Variants in CNTN5 observed in about 807,000 individuals in gnomAD.
CNTN5 encodes contactin-5.
In CNTN5, 77 loss-of-function variants were observed where a neutral mutation model predicts 129.1. The ratio of observed to expected loss-of-function variants is 0.60; its 90% CI spans 0.50 to 0.72. The LOEUF (loss-of-function observed/expected upper bound fraction) is 0.72. Among genes scored for constraint, CNTN5 ranks in the 30% least tolerant of loss-of-function variants. The pLI is 0.00. For synonymous variants in CNTN5, 509 were observed against 465.6 expected (o/e 1.09, Z -1.20); for missense variants, 1,478 against 1,328.8 (o/e 1.11, Z -1.75).
At chr11:99,036,732 G>C (rs1362317590) in intron 1 of CNTN5, among the ~76,000 whole-genome samples, 1 of 151,058 alleles carries the variant, frequency 6.6e-6, no homozygotes, top group Non-Finnish European at 1.5e-5. Flanking sequence ...CCAACACACT[G>C]TGCTACCAAA....
intron 8 of CNTN5, among the ~76,000 whole-genome samples, chr11:100,000,537 C>T (rs1939792234): frequency 6.6e-6 from 1 of 152,190 alleles, no homozygotes; most frequent in Non-Finnish European, 1.5e-5. Flanking sequence ...CGTTGAGTGC[C>T]TATGGCTTTT....
intron 21 of CNTN5, among the ~76,000 whole-genome samples, chr11:100,339,471 C>A (rs492107): frequency 0.14 from 20,550 of 151,982 alleles, 1,789 homozygotes; most frequent in East Asian, 0.33. Flanking sequence ...GGATGTTTCT[C>A]TGCACAGGAC....
chr11:99,950,779 G>A (rs1023001115), intron 7 of CNTN5, among the ~76,000 whole-genome samples: 3 of 152,122 alleles, frequency 2.0e-5, no homozygotes, highest in Admixed American at 6.5e-5. Context: ...TTACTACCAC[G>A]TAGACATTAT....
intron 3 of CNTN5, among the ~76,000 whole-genome samples, chr11:99,654,373 C>T (rs1049829150): frequency 6.6e-6 from 1 of 151,952 alleles, no homozygotes; most frequent in African/African-American, 2.4e-5. Context: ...TTAAATAGGC[C>T]ATTGGCATTC....
intron 23 of CNTN5, among the ~76,000 whole-genome samples, chr11:100,347,553 CT>C (rs1003947531): frequency 2.0e-5 from 3 of 152,040 alleles, no homozygotes; most frequent in African/African-American, 7.2e-5. Context: ...ATGAAGCTGA[CT>C]TTTTGGAAAT....
At chr11:99,365,789 T>C (rs899035518) in intron 2 of CNTN5, among the ~76,000 whole-genome samples, 1 of 152,186 alleles carries the variant, frequency 6.6e-6, no homozygotes, top group African/African-American at 2.4e-5. Context: ...GGATATATTA[T>C]GCTATTTTTG....
At chr11:99,506,806 C>T (rs1242750145) in intron 2 of CNTN5, among the ~76,000 whole-genome samples, 1 of 152,012 alleles carries the variant, frequency 6.6e-6, no homozygotes, top group Admixed American at 6.6e-5. Flanking sequence ...AACAAAGTCA[C>T]TACATTATTT....
chr11:100,097,653 G>A (rs1381952549), intron 13 of CNTN5, among the ~76,000 whole-genome samples: 1 of 152,028 alleles, frequency 6.6e-6, no homozygotes, highest in Admixed American at 6.6e-5. Context: ...AGAGTATAGG[G>A]AATGAAAGAT....
At chr11:99,638,149 T>C (rs1487369402) in intron 3 of CNTN5, among the ~76,000 whole-genome samples, 1 of 151,884 alleles carries the variant, frequency 6.6e-6, no homozygotes, top group Non-Finnish European at 1.5e-5. Flanking sequence ...TGGCGGGAGG[T>C]GAAAGGTTCT....
chr11:99,942,676 TCTC>T (rs1950466792), intron 7 of CNTN5, among the ~76,000 whole-genome samples: 1 of 151,904 alleles, frequency 6.6e-6, no homozygotes, highest in Admixed American at 6.6e-5. Context: ...TCCCTTCCCT[TCTC>T]CTCCACAACC....
chr11:99,265,075 G>A (rs1275617281), intron 1 of CNTN5, among the ~76,000 whole-genome samples: 1 of 151,734 alleles, frequency 6.6e-6, no homozygotes. Flanking sequence ...TTAAAACTTA[G>A]GTGTGCTCCA....
chr11:100,067,849 A>G (rs918297445), intron 10 of CNTN5, among the ~76,000 whole-genome samples: 4 of 152,104 alleles, frequency 2.6e-5, no homozygotes, highest in Admixed American at 2.0e-4. Flanking sequence ...AAATCTAAAG[A>G]AAGGAAGGAA....
rs570435915 is a variant in CNTN5 at position 99,336,950 on chromosome 11, A to G, written c.-71+11466A>G. On this transcript the variant is annotated intron_variant, in intron 2 of 24. Coordinates refer to ENST00000524871, the MANE Select transcript of CNTN5 (RefSeq NM_014361.4). ...AAAGGGAAACATGCTTGGTGTACAG[A>G]TTTTTTTTTACAAATGACCATGTTC... is the stretch of plus-strand genomic sequence containing the variant. 4.6e-5 allele frequency among the ~76,000 whole-genome samples: 7 copies of G among 151,724 alleles called. No homozygotes were observed. In the South Asian group the frequency reaches 6.2e-4, roughly 14 times the overall value.
intron 24 of CNTN5, among the ~76,000 whole-genome samples, chr11:100,352,334 A>G (rs921282694): frequency 6.6e-6 from 1 of 151,784 alleles, no homozygotes; most frequent in Non-Finnish European, 1.5e-5. Flanking sequence ...TGTAAATTAG[A>G]TATTACATCA....
intron 4 of CNTN5, among the ~76,000 whole-genome samples, chr11:99,837,682 A>G (rs1322531215): frequency 8.6e-6 from 1 of 116,136 alleles, no homozygotes; most frequent in African/African-American, 3.0e-5. Context: ...GCCACACATG[A>G]GTAAAAAAAA....
chr11:100,237,434 C>T, intron 16 of CNTN5, among the ~76,000 whole-genome samples: 1 of 152,146 alleles, frequency 6.6e-6, no homozygotes, highest in East Asian at 1.9e-4. Context: ...CAGAATGCTT[C>T]TTCACTGAAC....
intron 4 of CNTN5, among the ~76,000 whole-genome samples, chr11:99,843,702 T>C (rs1662971157): frequency 6.6e-6 from 1 of 152,060 alleles, no homozygotes; most frequent in Admixed American, 6.6e-5. Flanking sequence ...TGGAATCTAG[T>C]GGGTAGAGGC....
intron 7 of CNTN5, among the ~76,000 whole-genome samples, chr11:99,941,826 A>G (rs1950445381): frequency 6.6e-6 from 1 of 152,132 alleles, no homozygotes; most frequent in Non-Finnish European, 1.5e-5. Context: ...GATTGAAGAA[A>G]TAAAAGACAG....
At chr11:100,128,916 C>G (rs946519960) in intron 13 of CNTN5, among the ~76,000 whole-genome samples, 4 of 152,010 alleles carry the variant, frequency 2.6e-5, no homozygotes, top group African/African-American at 7.2e-5. Flanking sequence ...TTGTATCCCC[C>G]CTCCCATCAT....
Sources: allele counts gnomAD v4.1 joint callset (sites outside exome capture counted in the v4.1 genomes callset), GRCh38; gene constraint gnomAD v4.1.1; transcripts MANE v1.5; gene names NCBI Gene and HGNC (gene_info 2026-07-23, HGNC 2026-07-21).